Variants in MSH5 observed in about 807,000 individuals in gnomAD.
MSH5 encodes mutS homolog 5, also known as mutS protein homolog 5.
A neutral mutation model predicts 107.7 loss-of-function variants in MSH5; 78 were observed. The ratio of observed to expected loss-of-function variants is 0.72; its 90% CI spans 0.60 to 0.87. MSH5 has a LOEUF of 0.87. Ranked by LOEUF, MSH5 falls within the 40% of genes least tolerant of loss-of-function variation. MSH5 has a pLI of 0.00. For synonymous variants in MSH5, 326 were observed against 399.5 expected, an observed-to-expected ratio of 0.82 and a Z score of 2.19; for missense variants, 889 against 1,046.6, an observed-to-expected ratio of 0.85 and a Z score of 2.08.
chr6:31,754,718 T>C (rs2151366416), intron 12 of MSH5, among the ~76,000 whole-genome samples: 1 of 152,214 alleles, frequency 6.6e-6, no homozygotes, highest in South Asian at 2.1e-4. Context: ...ATTATATCAT[T>C]TCATCCATAA....
chr6:31,758,678 T>G lies in MSH5; in HGVS notation c.1216+58T>G. On this transcript the variant is annotated intron_variant, in intron 14 of 24. Coordinates refer to ENST00000375750, the MANE Select transcript of MSH5 (RefSeq NM_172166.4). This position sits in a 1 kb window ranked among gnomAD's most constrained non-coding sequence, Gnocchi z 5.1. Reference sequence around the variant, plus strand: ...CTGCGCAGTGATGGAGTACCATCCTTGGCAGGTGGTCACCACAGCTGGGGA... The same window carrying G: ...CTGCGCAGTGATGGAGTACCATCCTGGGCAGGTGGTCACCACAGCTGGGGA... 1.2e-6 allele frequency: 2 copies of G among 1,609,318 alleles called. No individual in the cohort carries two copies. Among genetic ancestry groups the G allele is most frequent in the Non-Finnish European group, 1.7e-6 (2 of 1,175,802 alleles).
chr6:31,748,979 G>A (rs868394425), intron 10 of MSH5, among the ~76,000 whole-genome samples: 6 of 150,200 alleles, frequency 4.0e-5, no homozygotes, highest in South Asian at 2.1e-4. Context: ...GCAGTGGCGC[G>A]GTCTTTGCTC....
chr6:31,743,440 G>C, intron 5 of MSH5: 2 of 535,268 alleles, frequency 3.7e-6, no homozygotes, highest in Non-Finnish European at 6.6e-6. Flanking sequence ...GGGTTTTATT[G>C]TTGGAATTCT....
intron 10 of MSH5, among the ~76,000 whole-genome samples, chr6:31,751,039 CTG>C (rs373372229): frequency 1.5e-4 from 23 of 152,302 alleles, no homozygotes; most frequent in Middle Eastern, 3.4e-3. Context: ...GAGTCTCACT[CTG>C]TCACCCATCC....
chr6:31,761,668 AGGT>A lies in MSH5; in HGVS notation c.2181+56_2181+58del, dbSNP rs1811012777. On this transcript the variant is annotated intron_variant, in intron 22 of 24. Transcript: ENST00000375750. This position sits in a 1 kb window ranked among gnomAD's most constrained non-coding sequence, Gnocchi z 5.3. ...GACCCCCAGGCTGGGCATTTCCCAG[AGGT>A]GGGGATTGGCTCCTCTATCAGAACA... 6.2e-7 allele frequency: 1 copy of A among 1,613,658 alleles called. No individual in the cohort carries two copies. Among genetic ancestry groups the A allele is most frequent in the Non-Finnish European group, 8.5e-7 (1 of 1,179,966 alleles).
At chr6:31,753,540 A>G (rs1278478499) in intron 11 of MSH5, 27 bp from the exon 12 acceptor site, 5 of 1,614,108 alleles carry the variant, frequency 3.1e-6, no homozygotes, top group Non-Finnish European at 4.2e-6. Flanking sequence ...AAGAGAAAAC[A>G]GCGGCTGTAA....
rs182504014 is a variant in MSH5, at chr6:31,745,807, G to A, written c.766+488G>A. Among the ~76,000 whole-genome samples the A allele has an allele frequency of 1.1e-3, 148 of 132,002 alleles. 1 individual carries two copies. Among genetic ancestry groups the A allele is most frequent in the African/African-American group, 4.0e-3 (135 of 33,750 alleles). The allele number at this position is 132,002 out of a possible 152,430, so 86.6% of individuals were successfully genotyped here. A position where few individuals can be genotyped will look rare whatever the true frequency, so the allele number is the denominator to read the frequency against. ...TTTTGATACAGAGTCTCGCTCTGTC[G>A]CCCAGGCTGGAGTGCAGTGGTGCAA... On this transcript the variant is annotated intron_variant, in intron 9 of 24. Transcript: ENST00000375750.
intron 12 of MSH5, among the ~76,000 whole-genome samples, chr6:31,756,167 T>C (rs914633534): frequency 6.6e-6 from 1 of 152,082 alleles, no homozygotes; most frequent in African/African-American, 2.4e-5. Flanking sequence ...CTATTATTCA[T>C]TTATTTATTT....
Position 31,744,591 on chromosome 6 carries a change from T to A in MSH5, c.683+10T>A. Reference sequence around the variant, plus strand: ...ATCAAGACACTTACAGGTAAAGAGGTGGAGGCATGCTGCTGTCTCTGGGGA... The same window carrying A: ...ATCAAGACACTTACAGGTAAAGAGGAGGAGGCATGCTGCTGTCTCTGGGGA... On this transcript the variant is annotated intron_variant, in intron 8 of 24. Coordinates refer to ENST00000375750, the MANE Select transcript of MSH5 (RefSeq NM_172166.4). The A allele has an allele frequency of 6.2e-7, 1 of 1,613,060 alleles. No homozygotes were observed. Among genetic ancestry groups the A allele is most frequent in the South Asian group, 1.1e-5 (1 of 91,088 alleles).
chr6:31,749,368 T>G (rs1317728349), intron 10 of MSH5, among the ~76,000 whole-genome samples: 1 of 152,050 alleles, frequency 6.6e-6, no homozygotes, highest in East Asian at 1.9e-4. Flanking sequence ...TTGGTGAAAC[T>G]TCACGTCTAC....
chr6:31,743,530 C>G (rs149224955), intron 5 of MSH5: 1 of 437,938 alleles, frequency 2.3e-6, no homozygotes, highest in African/African-American at 2.0e-5. Flanking sequence ...TAAGGCACTT[C>G]TATAACTTTC....
intron 5 of MSH5, chr6:31,743,511 T>G: frequency 2.1e-6 from 1 of 467,258 alleles, no homozygotes; most frequent in Non-Finnish European, 3.8e-6. Flanking sequence ...TGACCCTTAT[T>G]ATGATCCATA....
chr6:31,759,958 A>G lies in MSH5; in HGVS notation c.1668A>G (p.Val556=). The change falls in exon 18 of 25, where the codon GTA becomes GTG. Residue 556 remains valine, a synonymous_variant. Transcript: ENST00000375750. The surrounding 1 kb of genome is among the most constrained non-coding windows in gnomAD (Gnocchi z 4.7). ...GTTACTCCCCACAAGTCCTTGGGGTACGAATCCAGAATGGCAGGTAAGAAT... is the reference window on the plus strand; with the variant it reads ...GTTACTCCCCACAAGTCCTTGGGGTGCGAATCCAGAATGGCAGGTAAGAAT... ...RPRYSPQVLG[V]RIQNGRHPLM... The G allele has an allele frequency of 6.2e-7, 1 of 1,614,194 alleles. No homozygotes were observed. The highest frequency in any genetic ancestry group is 8.5e-7 in the Non-Finnish European group (1 of 1,180,028).
intron 12 of MSH5, among the ~76,000 whole-genome samples, chr6:31,754,439 C>T (rs971627057): frequency 1.3e-5 from 2 of 152,168 alleles, no homozygotes; most frequent in African/African-American, 2.4e-5. Context: ...TGGGAGCCAC[C>T]GTGCCCAGCC....
rs1810603179 is a variant in MSH5, at chr6:31,758,036, G to C, written c.1015-129G>C. 1 of 1,139,794 alleles carries C rather than the reference G, an allele frequency of 8.8e-7. No individual in the cohort carries two copies. Among genetic ancestry groups the C allele is most frequent in the African/African-American group, 1.5e-5 (1 of 64,814 alleles). 70.6% of individuals were successfully genotyped at this position (1,139,794 alleles called of 1,614,324 possible). A position where few individuals can be genotyped will look rare whatever the true frequency, so the allele number is the denominator to read the frequency against. ...ACAGTGCCTCTCACTGTTTCTTTTTGCCTTTGAGATCTTCCCTCTTTGTTA... is the reference window on the plus strand; with the variant it reads ...ACAGTGCCTCTCACTGTTTCTTTTTCCCTTTGAGATCTTCCCTCTTTGTTA... On this transcript the variant is annotated intron_variant, in intron 12 of 24. Transcript: ENST00000375750. The surrounding 1 kb of genome is among the most constrained non-coding windows in gnomAD (Gnocchi z 5.1).
At chr6:31,756,046 GTT>G (rs555910588) in intron 12 of MSH5, among the ~76,000 whole-genome samples, 9 of 143,628 alleles carry the variant, frequency 6.3e-5, no homozygotes, top group Non-Finnish European at 9.2e-5. Context: ...TAGGTTCAGA[GTT>G]TTTTTTTTTT....
chr6:31,743,246 C>A, intron 5 of MSH5, 76 bp downstream of exon 5: 1 of 1,449,024 alleles, frequency 6.9e-7, no homozygotes, highest in Non-Finnish European at 9.7e-7. Flanking sequence ...CCTTCATCAT[C>A]ACAGATCTCC....
chr6:31,741,023 T>A, intron 2 of MSH5, 140 bp from the exon 3 acceptor site: 2 of 1,057,458 alleles, frequency 1.9e-6, no homozygotes, highest in Non-Finnish European at 1.4e-6. Flanking sequence ...ACCTCCTGAG[T>A]GGCTGTTTCA....
chr6:31,762,332 A>T, intron 24 of MSH5, 88 bp from the exon 25 acceptor site: 1 of 1,350,564 alleles, frequency 7.4e-7, no homozygotes, highest in Non-Finnish European at 1.1e-6. Context: ...TCAAGATCCC[A>T]GGTTTTCTGT....
Sources: gnomAD v4.1 joint callset for allele counts (sites outside exome capture counted in the v4.1 genomes callset) on GRCh38, gnomAD v4.1.1 for gene constraint, Gnocchi (gnomAD v3.1) non-coding constraint, MANE v1.5 for transcripts, NCBI Gene and HGNC (gene_info 2026-07-23, HGNC 2026-07-21) for gene names.